Variants in MGAT5 observed in about 807,000 individuals in gnomAD.
MGAT5 encodes alpha-1,6-mannosylglycoprotein 6-beta-N-acetylglucosaminyltransferase A.
Under a neutral mutation model 94.3 loss-of-function variants are expected in MGAT5, and 30 were observed. That is an observed-to-expected ratio of 0.32 (90% CI 0.24 to 0.43). The LOEUF (loss-of-function observed/expected upper bound fraction) is 0.43. Ranked by LOEUF, MGAT5 falls within the 20% of genes least tolerant of loss-of-function variation. The pLI, the probability that MGAT5 is intolerant of heterozygous loss-of-function variation, is 1.00. For missense variants in MGAT5, 691 were observed against 905.5 expected (o/e 0.76, Z 3.04); for synonymous variants, 310 against 322.9 (o/e 0.96, Z 0.43).
intron 1 of MGAT5, among the ~76,000 whole-genome samples, chr2:134,163,452 A>G (rs1025638221): frequency 3.9e-5 from 6 of 152,188 alleles, no homozygotes; most frequent in Non-Finnish European, 8.8e-5. Flanking sequence ...AAGCTGGTGT[A>G]AGCTACTGAG....
intron 1 of MGAT5, among the ~76,000 whole-genome samples, chr2:134,255,787 C>T (rs1462838118): frequency 6.6e-6 from 1 of 151,920 alleles, no homozygotes; most frequent in Non-Finnish European, 1.5e-5. Flanking sequence ...AGGAAGGTGC[C>T]CTGAAGTATG....
At chr2:134,295,871 A>T (rs993904157) in intron 2 of MGAT5, among the ~76,000 whole-genome samples, 22 of 152,110 alleles carry the variant, frequency 1.4e-4, no homozygotes, top group African/African-American at 5.3e-4. Context: ...GGTTCGGTGG[A>T]TTTACAGCAT....
intron 1 of MGAT5, among the ~76,000 whole-genome samples, chr2:134,178,309 T>A (rs1034487666): frequency 1.3e-4 from 19 of 151,756 alleles, no homozygotes; most frequent in Non-Finnish European, 2.7e-4. Flanking sequence ...AAGAGGAGAG[T>A]TACCAGACTG....
At chr2:134,391,984 C>G (rs542501697) in intron 10 of MGAT5, among the ~76,000 whole-genome samples, 3 of 152,232 alleles carry the variant, frequency 2.0e-5, no homozygotes, top group African/African-American at 7.2e-5. Flanking sequence ...GGCTCTGGGT[C>G]CTTCTCCCTT....
chr2:134,160,618 CTGG>C (rs1558963359), intron 1 of MGAT5, among the ~76,000 whole-genome samples: 1 of 152,196 alleles, frequency 6.6e-6, no homozygotes, highest in Non-Finnish European at 1.5e-5. Flanking sequence ...GAACATGATG[CTGG>C]TTTGTTGTGT....
chr2:134,231,854 G>A (rs11685986), intron 1 of MGAT5, among the ~76,000 whole-genome samples: 12,711 of 152,176 alleles, frequency 0.084, 792 homozygotes, highest in Non-Finnish European at 0.14. Context: ...CTGCTGTGCC[G>A]AGTTGTCTGT....
At chr2:134,265,670 G>T (rs546212969) in intron 1 of MGAT5, among the ~76,000 whole-genome samples, 2 of 152,218 alleles carry the variant, frequency 1.3e-5, no homozygotes, top group East Asian at 3.9e-4. Flanking sequence ...TATTGCAAAG[G>T]CTTTGAAGCA....
At position 134,391,299 on chromosome 2, in the gene MGAT5, T is replaced by C. The variant is rs138628467; in HGVS notation, c.1381-11689T>C. Among the ~76,000 whole-genome samples the C allele has an allele frequency of 1.8e-3, 278 of 152,236 alleles. 2 individuals are homozygous for C. The highest frequency in any genetic ancestry group is 0.018 in the East Asian group (94 of 5,166). On this transcript the variant is annotated intron_variant, in intron 10 of 15. Coordinates refer to ENST00000281923, the MANE Select transcript of MGAT5 (RefSeq NM_002410.5). ...AAGGGGTCTTACCTGGGGTGGTGAA[T>C]GGCAGGATGGCACTTCTAAGCAGGA...
chr2:134,425,549 T>G (rs1684531440), intron 13 of MGAT5, among the ~76,000 whole-genome samples: 1 of 152,166 alleles, frequency 6.6e-6, no homozygotes, highest in Non-Finnish European at 1.5e-5. Flanking sequence ...AGATTCTGCT[T>G]ACTCAGAATC....
intron 1 of MGAT5, among the ~76,000 whole-genome samples, chr2:134,125,307 C>T (rs1356508834): frequency 1.3e-5 from 2 of 152,216 alleles, no homozygotes; most frequent in Non-Finnish European, 2.9e-5. Flanking sequence ...AGGTTACAAA[C>T]AGCTACTCAG....
intron 1 of MGAT5, among the ~76,000 whole-genome samples, chr2:134,131,118 CACTG>C (rs1312939341): frequency 2.0e-5 from 3 of 152,226 alleles, no homozygotes; most frequent in African/African-American, 7.2e-5. Flanking sequence ...CTGTAACACT[CACTG>C]GGAAGGTCTG....
At chr2:134,214,983 G>A (rs184674210) in intron 1 of MGAT5, among the ~76,000 whole-genome samples, 71 of 152,050 alleles carry the variant, frequency 4.7e-4, no homozygotes, top group Admixed American at 1.2e-3. Context: ...CAATCCCCAC[G>A]CCTCAATCCT....
intron 10 of MGAT5, among the ~76,000 whole-genome samples, chr2:134,400,841 C>T (rs926064853): frequency 9.9e-5 from 15 of 152,160 alleles, no homozygotes; most frequent in African/African-American, 2.9e-4. Flanking sequence ...CAAGATGTCC[C>T]GAGAGGCCTC....
chr2:134,246,330 T>C (rs1191497009), intron 1 of MGAT5, among the ~76,000 whole-genome samples: 1 of 152,178 alleles, frequency 6.6e-6, no homozygotes, highest in Admixed American at 6.5e-5. Context: ...GTTGAGCTTT[T>C]GGGCACCTGC....
chr2:134,217,791 G>C (rs1680572350), intron 1 of MGAT5, among the ~76,000 whole-genome samples: 1 of 152,154 alleles, frequency 6.6e-6, no homozygotes, highest in Admixed American at 6.5e-5. Flanking sequence ...GGACTGTTTA[G>C]TTCCACCAGA....
chr2:134,336,600 C>G (rs1440291888), intron 5 of MGAT5, among the ~76,000 whole-genome samples: 2 of 152,032 alleles, frequency 1.3e-5, no homozygotes, highest in East Asian at 3.9e-4. Context: ...GTCACAAATG[C>G]TGTAATATAG....
At chr2:134,406,674 G>A (rs534325766) in intron 11 of MGAT5, among the ~76,000 whole-genome samples, 27 of 151,560 alleles carry the variant, frequency 1.8e-4, no homozygotes, top group Middle Eastern at 3.4e-3. Context: ...TGCTTGAGCC[G>A]AGGAGTTCAA....
chr2:134,149,842 G>C (rs1018916211), intron 1 of MGAT5, among the ~76,000 whole-genome samples: 1 of 152,248 alleles, frequency 6.6e-6, no homozygotes, highest in Non-Finnish European at 1.5e-5. Flanking sequence ...GGAGGAAGTA[G>C]AGTTACTGGA....
At chr2:134,272,362 G>T (rs1004513812) in intron 2 of MGAT5, among the ~76,000 whole-genome samples, 6 of 123,720 alleles carry the variant, frequency 4.8e-5, no homozygotes, top group Non-Finnish European at 9.3e-5. Flanking sequence ...CCAGAGTGTT[G>T]TGTTTTGTTT....
Sources: allele counts gnomAD v4.1 joint callset (sites outside exome capture counted in the v4.1 genomes callset), GRCh38; gene constraint gnomAD v4.1.1; transcripts MANE v1.5; gene names NCBI Gene and HGNC (gene_info 2026-07-23, HGNC 2026-07-21).